RGS4: variants seen among roughly 807,000 people sequenced by gnomAD.
RGS4 encodes the protein schizophrenia disorder 9.
RGS4 carries 15 observed loss-of-function variants against 21.6 expected under a neutral mutation model. That is an observed-to-expected ratio of 0.69 (90% CI 0.46 to 1.07). The LOEUF (loss-of-function observed/expected upper bound fraction) is 1.07. Among genes scored for constraint, RGS4 ranks in the 50% least tolerant of loss-of-function variants. The pLI is 0.00. For missense variants in RGS4, 237 were observed against 239.0 expected, an observed-to-expected ratio of 0.99 and a Z score of 0.06; for synonymous variants, 94 against 85.5, an observed-to-expected ratio of 1.10 and a Z score of -0.55.
rs1011409940 is a variant in RGS4, at chr1:163,075,968, A to G, written c.*1408A>G. 2 of 147,480 alleles carry G rather than the reference A, an allele frequency of 1.4e-5. No individual in the cohort carries two copies. The highest frequency in any genetic ancestry group is 4.9e-5 in the African/African-American group (2 of 40,502). The allele number at this position is 147,480 out of a possible 1,614,324, so 9.1% of individuals were successfully genotyped here. ...GAGAGGAAAAGAAAAGAAAAAAAAA[A>G]TGATTGTCTAACCAATTGTGAGAAT... On this transcript the variant is annotated 3_prime_UTR_variant, in exon 5 of 5. Transcript: ENST00000367909.
At position 163,069,447 on chromosome 1, in the gene RGS4, T is replaced by C. The variant is rs369577878; in HGVS notation, c.-38T>C. ...CGAAGCCACAGCTCCTCCTGCCGCA[T>C]TTCTTTCCTGCTTGCGAATTCCAAG... On this transcript the variant is annotated 5_prime_UTR_variant, in exon 1 of 5. Transcript: ENST00000367909. 2.2e-5 allele frequency: 36 copies of C among 1,613,354 alleles called. No individual in the cohort carries two copies. In the African/African-American group the frequency reaches 4.5e-4, roughly 20 times the overall value.
chr1:163,071,855 G>GGCCCCCCCC (rs1553205232), intron 1 of RGS4: 1 of 1,816 alleles, frequency 5.5e-4, no homozygotes, highest in Non-Finnish European at 1.0e-3. Flanking sequence ...GGAACTGCTT[G>GGCCCCCCCC]CCCCCCCCCC....
intron 1 of RGS4, 152 bp from the exon 2 acceptor site, chr1:163,072,243 G>T: frequency 1.2e-6 from 1 of 858,712 alleles, no homozygotes. Flanking sequence ...GAGGAATCTT[G>T]TTTTCCTCAG....
rs1655513757 is a variant in RGS4, at chr1:163,076,725, T to C, written c.*2165T>C. The stretch of plus-strand genomic sequence containing the variant: ...ATGCCTGTTTCTATCATGTGCTTGA[T>C]AGGCCTCAAAGCTAATGCTTCCAGT... On this transcript the variant is annotated 3_prime_UTR_variant, in exon 5 of 5. Coordinates refer to ENST00000367909, the MANE Select transcript of RGS4 (RefSeq NM_005613.6). 1 of 152,246 alleles carries C rather than the reference T, an allele frequency of 6.6e-6. No individual in the cohort carries two copies. The highest frequency in any genetic ancestry group is 2.4e-5 in the African/African-American group (1 of 41,560). 9.4% of individuals were successfully genotyped at this position (152,246 alleles called of 1,614,324 possible).
intron 1 of RGS4, chr1:163,070,491 A>G (rs1655264460): frequency 1.3e-5 from 2 of 152,196 alleles, no homozygotes; most frequent in Non-Finnish European, 2.9e-5. Context: ...ATGTACTATT[A>G]AAACATTTAC....
In RGS4 at chr1:163,074,684, C is replaced by A; in HGVS notation, c.*124C>A. 7.2e-7 allele frequency: 1 copy of A among 1,390,044 alleles called. No homozygotes were observed. 86.1% of individuals were successfully genotyped at this position (1,390,044 alleles called of 1,614,324 possible). A position where few individuals can be genotyped will look rare whatever the true frequency, so the allele number is the denominator to read the frequency against. On this transcript the variant is annotated 3_prime_UTR_variant, in exon 5 of 5. Transcript: ENST00000367909. ...CATTGTAGCCTAATATTCATGCTGC[C>A]TGCCATGTGTGAGTCACTTCTACGC...
rs1655371354 is a variant in RGS4, at chr1:163,073,004, CT to C, written c.211+139del. The C allele has an allele frequency of 5.9e-6, 4 of 678,102 alleles. No homozygotes were observed. The Admixed American group carries it at 1.3e-4, about 22-fold the overall frequency. 42.0% of individuals were successfully genotyped at this position (678,102 alleles called of 1,614,324 possible). A position where few individuals can be genotyped will look rare whatever the true frequency, so the allele number is the denominator to read the frequency against. On this transcript the variant is annotated intron_variant, in intron 3 of 4. Transcript: ENST00000367909. ...AGACTCTTTAGGTCTTAAATTCAGT[CT>C]GTTTAAAATTTTAATATGCCCTAGA...
chr1:163,072,242 T>A (rs1655342636), intron 1 of RGS4, 153 bp from the exon 2 acceptor site: 13 of 857,744 alleles, frequency 1.5e-5, no homozygotes, highest in Non-Finnish European at 2.0e-5. Context: ...AGAGGAATCT[T>A]GTTTTCCTCA....
At position 163,074,516 on chromosome 1, in the gene RGS4, A is replaced by G. The variant is rs137999044; in HGVS notation, c.574A>G (p.Lys192Glu). 8.0e-5 allele frequency: 129 copies of G among 1,613,808 alleles called. No individual in the cohort carries two copies. The highest frequency in any genetic ancestry group is 3.3e-4 in the Middle Eastern group (2 of 6,082). ...TGGGGCAGAAAAGCAGAAAGGAGCC[A>G]AGAGTTCAGCAGACTGTGCTTCCCT... is the stretch of plus-strand genomic sequence containing the variant. ...SCGAEKQKGA[K>E]SSADCASLVP... Residue 192 changes from lysine (K) to glutamate (E), a missense_variant, in exon 5 of 5, where the codon AAG becomes GAG. Lys to Glu is a moderately conservative substitution (Grantham distance 56). Transcript: ENST00000367909.
chr1:163,074,227 G>A, intron 4 of RGS4, 94 bp from the exon 5 acceptor site: 3 of 1,509,300 alleles, frequency 2.0e-6, no homozygotes, highest in South Asian at 2.5e-5. Context: ...AAATACAGAG[G>A]GTGCACTGCC....
At chr1:163,071,922 C>G in intron 1 of RGS4, 1 of 967,186 alleles carries the variant, frequency 1.0e-6, no homozygotes, top group Non-Finnish European at 1.2e-6. Flanking sequence ...CGAGGTGCTT[C>G]TACAGTTCCC....
chr1:163,074,479 C>T lies in RGS4; in HGVS notation c.537C>T (p.Asn179=). 1 of 1,613,896 alleles carries T rather than the reference C, an allele frequency of 6.2e-7. No individual in the cohort carries two copies. The highest frequency in any genetic ancestry group is 1.3e-5 in the African/African-American group (1 of 75,002). ...CTCGATTCTATCTTGATTTGGTCAA[C>T]CCGTCCAGCTGTGGGGCAGAAAAGC... ...LKSRFYLDLV[N]PSSCGAEKQK... is the part of the protein sequence containing the mutation. The change falls in exon 5 of 5, where the codon AAC becomes AAT. Residue 179 remains asparagine, a synonymous_variant. Coordinates refer to ENST00000367909, the MANE Select transcript of RGS4 (RefSeq NM_005613.6).
chr1:163,073,374 G>A, intron 3 of RGS4, 82 bp from the exon 4 acceptor site: 1 of 1,154,096 alleles, frequency 8.7e-7, no homozygotes, highest in East Asian at 2.5e-5. Context: ...TATCCCCCAA[G>A]TACCTCAGCT....
At chr1:163,068,929 TGGA>T (rs1655208454), upstream of RGS4, 2 of 1,580,566 alleles carry the variant, frequency 1.3e-6, no homozygotes, top group Non-Finnish European at 1.7e-6. Flanking sequence ...GATCAGATCT[TGGA>T]CCATGTATAA....
At chr1:163,069,297 G>A (rs1655222622), upstream of RGS4, 4 of 1,551,160 alleles carry the variant, frequency 2.6e-6, no homozygotes, top group Non-Finnish European at 3.5e-6. Flanking sequence ...ACTGCAGAGC[G>A]GTCGTCTGAT....
At chr1:163,073,874 A>G in intron 4 of RGS4, 2 of 406,832 alleles carry the variant, frequency 4.9e-6, no homozygotes, top group East Asian at 4.1e-5. Context: ...CCTCTACCCA[A>G]CTTTCTATCT....
chr1:163,073,801 A>G (rs1655408054), intron 4 of RGS4, 179 bp downstream of exon 4: 1 of 534,840 alleles, frequency 1.9e-6, no homozygotes, highest in Non-Finnish European at 3.2e-6. Flanking sequence ...CTATCTTAAA[A>G]TATACAATAA....
chr1:163,070,366 G>A (rs969411414), intron 1 of RGS4, among the ~76,000 whole-genome samples: 1 of 152,024 alleles, frequency 6.6e-6, no homozygotes, highest in Non-Finnish European at 1.5e-5. Flanking sequence ...ACTTAATCTT[G>A]CAGTCAAAGG....
In RGS4 at chr1:163,072,840, C is replaced by T. The variant is rs1167895204; in HGVS notation, c.185C>T (p.Ser62Leu). The change falls in exon 3 of 5, where the codon TCA becomes TTA. Residue 62 changes from serine to leucine, a missense_variant. By Grantham distance (145) the Ser-to-Leu change is moderately radical. Coordinates refer to ENST00000367909, the MANE Select transcript of RGS4 (RefSeq NM_005613.6). ...GAGGAAGTCAAGAAATGGGCTGAAT[C>T]ACTGGAAAACCTGATTAGTCATGAA... ...SQEEVKKWAE[S>L]LENLISHECG... 6.2e-7 allele frequency: 1 copy of T among 1,613,138 alleles called. No homozygotes were observed. Among genetic ancestry groups the T allele is most frequent in the East Asian group, 2.2e-5 (1 of 44,800 alleles).
Sources: gnomAD v4.1 joint callset for allele counts (sites outside exome capture counted in the v4.1 genomes callset) on GRCh38, gnomAD v4.1.1 for gene constraint, MANE v1.5 for transcripts, NCBI Gene and HGNC (gene_info 2026-07-23, HGNC 2026-07-21) for gene names.